The following TRPM6 variants were observed in gnomAD, a reference collection of about 807,000 sequenced individuals.
TRPM6 encodes transient receptor potential cation channel subfamily M member 6.
A neutral mutation model predicts 247.6 loss-of-function variants in TRPM6; 111 were observed. The ratio of observed to expected loss-of-function variants is 0.45; its 90% CI spans 0.38 to 0.52. The LOEUF (loss-of-function observed/expected upper bound fraction) is 0.52, where lower values mean the gene tolerates loss of function less well. TRPM6 is among the 20% of genes least tolerant of loss of function. The pLI is 0.00. For missense variants in TRPM6, 2,126 were observed against 2,421.5 expected (o/e 0.88, Z 2.56); for synonymous variants, 892 against 853.8 (o/e 1.04, Z -0.78).
chr9:74,834,030 T>C lies in TRPM6; in HGVS notation c.637A>G (p.Ile213Val). The C allele has an allele frequency of 6.2e-7, 1 of 1,614,140 alleles. No individual in the cohort carries two copies. The highest frequency in any genetic ancestry group is 1.1e-5 in the South Asian group (1 of 91,088). ...WTVGIPPWGVIENQRDLIGKD... is the reference protein window; with the variant it reads ...WTVGIPPWGVVENQRDLIGKD... The stretch of plus-strand genomic sequence containing the variant: ...CCAATAAGGTCTCTCTGGTTCTCAA[T>C]GACACCCCAAGGAGGGATTCCAACT... The change falls in exon 6 of 39, where the codon ATT (isoleucine) becomes GTT (valine). Residue 213 changes from isoleucine (I) to valine (V), a missense_variant. Ile to Val is a conservative substitution (Grantham distance 29). Coordinates refer to ENST00000360774, the MANE Select transcript of TRPM6 (RefSeq NM_017662.5).
At chr9:74,782,340 A>C (rs763459961) in intron 23 of TRPM6, 22 bp downstream of exon 23, 1 of 1,508,396 alleles carries the variant, frequency 6.6e-7, no homozygotes, top group East Asian at 2.3e-5. Flanking sequence ...TTAAATAATC[A>C]TATTTAATTG....
In TRPM6 at chr9:74,820,095, C is replaced by T. The variant is rs11144095; in HGVS notation, c.1134+209G>A. The T allele has an allele frequency of 3.4e-3, 2,014 of 585,514 alleles. 12 individuals carry two copies. Among genetic ancestry groups the T allele is most frequent in the Non-Finnish European group, 4.6e-3 (1,507 of 326,196 alleles). 36.3% of individuals were successfully genotyped at this position (585,514 alleles called of 1,614,324 possible). On this transcript the variant is annotated intron_variant, in intron 9 of 38. Coordinates refer to ENST00000360774, the MANE Select transcript of TRPM6 (RefSeq NM_017662.5). ...ATGTGTGCCATGGTGGTTTGCTGCA[C>T]CTATCAACCCATCACTTAGGTATTA...
chr9:74,818,908 T>A (rs984856492), intron 9 of TRPM6, among the ~76,000 whole-genome samples: 1 of 152,076 alleles, frequency 6.6e-6, no homozygotes, highest in African/African-American at 2.4e-5. Context: ...AAAATTCTTA[T>A]ACAATTTGCT....
In TRPM6 at chr9:74,724,703, G is replaced by A; in HGVS notation, c.5979C>T (p.Thr1993=). ...ATTCTATTTTTATCTCAAGTCCAAA[G>A]GTGGAATTTATCCTTTCAGGGGAAT... ...NDYSPERINS[T]FGLEIKIESA... The change falls in exon 39 of 39, where the codon ACC becomes ACT. Residue 1993 remains threonine (T), a synonymous_variant. Transcript: ENST00000360774. 6.2e-7 allele frequency: 1 copy of A among 1,614,128 alleles called. No individual in the cohort carries two copies. Among genetic ancestry groups the A allele is most frequent in the Non-Finnish European group, 8.5e-7 (1 of 1,180,018 alleles).
rs763199874 is a variant in TRPM6, at chr9:74,750,699, C to A, written c.5022G>T (p.Trp1674Cys). The change falls in exon 30 of 39, where the codon TGG (tryptophan) becomes TGT (cysteine). Residue 1674 changes from tryptophan to cysteine, a missense_variant. Physicochemically the swap from Trp to Cys is radical, Grantham distance 215. This residue lies in a region of TRPM6 where 717 missense variants were observed against 715.9 expected (regional missense o/e 1.00). Transcript: ENST00000360774. ...TATTGAGGTTGGTGCTCCTGGAATT[C>A]CACAAAGAGTTTTTGCTGAGATCCT... Reference protein sequence around the residue: ...SQEDLSKNSLWNSRSTNLNRN... With the variant: ...SQEDLSKNSLCNSRSTNLNRN... 6.2e-7 allele frequency: 1 copy of A among 1,613,892 alleles called. No homozygotes were observed. Among genetic ancestry groups the A allele is most frequent in the South Asian group, 1.1e-5 (1 of 91,074 alleles).
intron 3 of TRPM6, among the ~76,000 whole-genome samples, chr9:74,852,581 C>A (rs1830368497): frequency 6.6e-6 from 1 of 152,148 alleles, no homozygotes; most frequent in South Asian, 2.1e-4. Flanking sequence ...CGGCTCACTG[C>A]AACCTCCCTG....
chr9:74,726,794 GT>G (rs1463707545), intron 38 of TRPM6, among the ~76,000 whole-genome samples: 2 of 152,164 alleles, frequency 1.3e-5, no homozygotes, highest in African/African-American at 4.8e-5. Flanking sequence ...GACTCTGATC[GT>G]TGTCAGCTCC....
In TRPM6 at chr9:74,816,693, G is replaced by A. The variant is rs747746067; in HGVS notation, c.1284C>T (p.Ile428=). The A allele has an allele frequency of 4.3e-6, 7 of 1,613,776 alleles. No homozygotes were observed. The African/African-American group carries it at 8.0e-5, about 18-fold the overall frequency. ...WDRVDIAKKH[I]LIYEQHWKPD... ...CCTTCCAGTGTTGTTCATAAATTAGGATATGTTTCTTGGCAATGTCCACCC... is the reference window on the plus strand; with the variant it reads ...CCTTCCAGTGTTGTTCATAAATTAGAATATGTTTCTTGGCAATGTCCACCC... Residue 428 remains isoleucine (I), a synonymous_variant, in exon 11 of 39, where the codon ATC becomes ATT. Coordinates refer to ENST00000360774, the MANE Select transcript of TRPM6 (RefSeq NM_017662.5).
chr9:74,818,026 C>T (rs992940642), intron 9 of TRPM6, among the ~76,000 whole-genome samples: 4 of 152,198 alleles, frequency 2.6e-5, no homozygotes, highest in Non-Finnish European at 5.9e-5. Flanking sequence ...TTTCACCTGA[C>T]ACGCCCTCTA....
intron 6 of TRPM6, among the ~76,000 whole-genome samples, chr9:74,831,170 C>G (rs1829534271): frequency 6.6e-6 from 1 of 152,020 alleles, no homozygotes; most frequent in Non-Finnish European, 1.5e-5. Flanking sequence ...AAAATGTTTC[C>G]TTGGCCTCCA....
rs201879181 is a variant in TRPM6 at position 74,842,280 on chromosome 9, A to C, written c.216T>G (p.Ala72=). The change falls in exon 4 of 39, where the codon GCT becomes GCG. Residue 72 remains alanine (A), a synonymous_variant. Transcript: ENST00000360774. ...ATTGTTCACTTTCTTTACCCTTGGC[A>C]GCTGAGATGGTCCAGGAATAATCTA... ...AGIDYSWTIS[A]AKGKESEQWS... is the part of the protein sequence containing the mutation. 3.7e-5 allele frequency: 60 copies of C among 1,614,166 alleles called. No homozygotes were observed. Among genetic ancestry groups the C allele is most frequent in the Non-Finnish European group, 4.7e-5 (56 of 1,180,024 alleles).
chr9:74,786,302 A>G (rs903819108), intron 20 of TRPM6, among the ~76,000 whole-genome samples, 177 bp from the exon 21 acceptor site: 3 of 152,254 alleles, frequency 2.0e-5, no homozygotes, highest in African/African-American at 7.2e-5. Flanking sequence ...TATTTAAACA[A>G]TGCTATACAG....
intron 37 of TRPM6, among the ~76,000 whole-genome samples, chr9:74,729,232 C>T (rs1438511373): frequency 1.3e-5 from 2 of 152,274 alleles, no homozygotes; most frequent in East Asian, 1.9e-4. Flanking sequence ...ACTCAATTAC[C>T]GCTCTTAAAT....
In TRPM6 at chr9:74,732,596, G is replaced by A. The variant is rs1825558043; in HGVS notation, c.5828+89C>T. On this transcript the variant is annotated intron_variant, in intron 37 of 38. Coordinates refer to ENST00000360774, the MANE Select transcript of TRPM6 (RefSeq NM_017662.5). ...TAAAAACCTTTCTAGGATCTAGGCA[G>A]GGAACATATATGTTTGTAAATTATT... 8.0e-6 allele frequency: 8 copies of A among 998,616 alleles called. No homozygotes were observed. The South Asian group carries it at 8.9e-5, about 11-fold the overall frequency. 61.9% of individuals were successfully genotyped at this position (998,616 alleles called of 1,614,324 possible).
At chr9:74,735,386 T>C (rs1825661813) in intron 36 of TRPM6, among the ~76,000 whole-genome samples, 1 of 152,126 alleles carries the variant, frequency 6.6e-6, no homozygotes, top group Admixed American at 6.5e-5. Flanking sequence ...GAACTCAAGA[T>C]TGACATTCTG....
chr9:74,764,502 T>C (rs1279664888), intron 25 of TRPM6, among the ~76,000 whole-genome samples: 1 of 152,152 alleles, frequency 6.6e-6, no homozygotes, highest in Non-Finnish European at 1.5e-5. Context: ...CACCAGAAGC[T>C]AGAAGAGGCA....
At chr9:74,886,653 T>C (rs1831538822) in intron 1 of TRPM6, among the ~76,000 whole-genome samples, 1 of 152,182 alleles carries the variant, frequency 6.6e-6, no homozygotes, top group Admixed American at 6.5e-5. Flanking sequence ...ACTTGGACTT[T>C]ATAGGATTAC....
At chr9:74,796,250 T>G (rs1828092371) in intron 18 of TRPM6, among the ~76,000 whole-genome samples, 1 of 152,240 alleles carries the variant, frequency 6.6e-6, no homozygotes, top group African/African-American at 2.4e-5. Context: ...GAAACACTTT[T>G]TCAATACCTG....
intron 19 of TRPM6, among the ~76,000 whole-genome samples, chr9:74,791,565 A>G (rs1164143046): frequency 2.0e-5 from 3 of 152,208 alleles, no homozygotes; most frequent in African/African-American, 7.2e-5. Context: ...CATCTAAAGC[A>G]CAGCTCATGC....
Sources: allele counts gnomAD v4.1 joint callset (sites outside exome capture counted in the v4.1 genomes callset), GRCh38; gene constraint gnomAD v4.1.1; regional missense constraint gnomAD v4.1.1; transcripts MANE v1.5; gene names NCBI Gene and HGNC (gene_info 2026-07-23, HGNC 2026-07-21).